The following SAMMSON variants were observed in gnomAD, a reference collection of about 807,000 sequenced individuals.
SAMMSON encodes the protein survival associated mitochondrial melanoma specific oncogenic non-coding RNA.
chr3:70,403,045 G>A (rs375271740), intron 2 of SAMMSON, among the ~76,000 whole-genome samples: 2 of 152,124 alleles, frequency 1.3e-5, no homozygotes, highest in South Asian at 4.1e-4. Context: ...AGTCACAGAT[G>A]CCCATTTAAT....
At chr3:70,224,723 T>A (rs576210460) in intron 4 of SAMMSON, among the ~76,000 whole-genome samples, 3 of 152,118 alleles carry the variant, frequency 2.0e-5, no homozygotes, top group Admixed American at 1.3e-4. Flanking sequence ...CTTGGTTTTT[T>A]TTTTAATTCA....
chr3:70,309,690 A>G (rs1213557674), intron 7 of SAMMSON, among the ~76,000 whole-genome samples: 1 of 152,202 alleles, frequency 6.6e-6, no homozygotes, highest in Non-Finnish European at 1.5e-5. Context: ...TTGAAAAAAA[A>G]GACATTTATG....
downstream of SAMMSON, among the ~76,000 whole-genome samples, chr3:70,393,975 T>A (rs576186497): frequency 6.6e-6 from 1 of 152,246 alleles, no homozygotes; most frequent in South Asian, 2.1e-4. Flanking sequence ...GAGGGAGGCA[T>A]GCGCACAAGT....
At chr3:70,129,274 G>C (rs981133161) in intron 4 of SAMMSON, among the ~76,000 whole-genome samples, 4 of 152,090 alleles carry the variant, frequency 2.6e-5, no homozygotes, top group Non-Finnish European at 5.9e-5. Flanking sequence ...TACTTACTGT[G>C]TTCCAGGTTT....
intron 7 of SAMMSON, among the ~76,000 whole-genome samples, chr3:70,316,561 T>G (rs1490731113): frequency 6.6e-6 from 1 of 152,146 alleles, no homozygotes; most frequent in Non-Finnish European, 1.5e-5. Flanking sequence ...ATAGCCATTC[T>G]AATGACCAAT....
intron 7 of SAMMSON, among the ~76,000 whole-genome samples, chr3:70,326,253 G>C (rs531284413): frequency 3.3e-5 from 5 of 151,930 alleles, no homozygotes; most frequent in African/African-American, 1.2e-4. Context: ...CTTAATATAG[G>C]CTGCAAATGA....
chr3:70,306,582 A>AT (rs927553365), intron 7 of SAMMSON, among the ~76,000 whole-genome samples: 9 of 151,406 alleles, frequency 5.9e-5, no homozygotes, highest in Middle Eastern at 3.4e-3. Flanking sequence ...CCCACCCCCT[A>AT]TTTTTTTTAT....
intron 3 of SAMMSON, among the ~76,000 whole-genome samples, chr3:70,045,467 A>C (rs2067123111): frequency 6.6e-6 from 1 of 151,720 alleles, no homozygotes; most frequent in African/African-American, 2.4e-5. Context: ...TCAGTAGCAC[A>C]CACCTGCTCA....
At chr3:70,325,355 G>C (rs931122974) in intron 7 of SAMMSON, among the ~76,000 whole-genome samples, 1 of 152,078 alleles carries the variant, frequency 6.6e-6, no homozygotes, top group Non-Finnish European at 1.5e-5. Context: ...TTCTGTTCCA[G>C]TCACCTCACC....
intron 2 of SAMMSON, among the ~76,000 whole-genome samples, chr3:70,400,886 C>T (rs1701134813): frequency 6.6e-6 from 1 of 151,048 alleles, no homozygotes; most frequent in Non-Finnish European, 1.5e-5. Context: ...GAGCCGAGAT[C>T]ACACCACTGC....
At chr3:70,387,499 G>C (rs1395297345) in intron 9 of SAMMSON, among the ~76,000 whole-genome samples, 1 of 151,968 alleles carries the variant, frequency 6.6e-6, no homozygotes, top group African/African-American at 2.4e-5. Context: ...TTTTCACTCA[G>C]ACAATTTGGC....
intron 7 of SAMMSON, among the ~76,000 whole-genome samples, chr3:70,297,185 G>T (rs1057282975): frequency 1.3e-5 from 2 of 152,096 alleles, no homozygotes; most frequent in Non-Finnish European, 2.9e-5. Context: ...ACTATTGGAT[G>T]ATTTAAATAA....
chr3:70,409,516 C>G (rs1188684919), intron 2 of SAMMSON, among the ~76,000 whole-genome samples: 1 of 151,482 alleles, frequency 6.6e-6, no homozygotes, highest in Non-Finnish European at 1.5e-5. Context: ...AAGTGTTGAT[C>G]ATGGAATGTG....
chr3:70,173,870 A>AT (rs1700983945), intron 4 of SAMMSON, among the ~76,000 whole-genome samples: 2 of 151,874 alleles, frequency 1.3e-5, no homozygotes, highest in South Asian at 4.1e-4. Flanking sequence ...AACTTAATGC[A>AT]TTTAAGTTGC....
chr3:70,034,696 T>C (rs1212341569), intron 3 of SAMMSON, among the ~76,000 whole-genome samples: 1 of 152,030 alleles, frequency 6.6e-6, no homozygotes, highest in Non-Finnish European at 1.5e-5. Flanking sequence ...ATACAAAAAT[T>C]AGCTGGGCAT....
intron 4 of SAMMSON, among the ~76,000 whole-genome samples, chr3:70,245,631 T>A (rs891963186): frequency 1.0e-4 from 14 of 134,616 alleles, no homozygotes; most frequent in South Asian, 2.3e-4. Context: ...TACAAAGAAA[T>A]CAGAATATGG....
At chr3:70,083,290 A>T (rs990085920) in intron 4 of SAMMSON, among the ~76,000 whole-genome samples, 2 of 152,088 alleles carry the variant, frequency 1.3e-5, no homozygotes, top group African/African-American at 4.8e-5. Flanking sequence ...CTTATGGGGG[A>T]TATCATTACT....
At chr3:70,026,437 C>T (rs1019558613) in intron 3 of SAMMSON, among the ~76,000 whole-genome samples, 11 of 152,050 alleles carry the variant, frequency 7.2e-5, no homozygotes, top group Non-Finnish European at 1.2e-4. Flanking sequence ...ATGTTTCTTT[C>T]CCACTGAAAT....
intron 6 of SAMMSON, among the ~76,000 whole-genome samples, chr3:70,268,876 A>T (rs1436729065): frequency 2.6e-5 from 4 of 152,156 alleles, no homozygotes; most frequent in South Asian, 4.1e-4. Flanking sequence ...GTTTATGAGG[A>T]TTATTTTTTC....
Sources: allele counts gnomAD v4.1 joint callset (sites outside exome capture counted in the v4.1 genomes callset), GRCh38; gene constraint gnomAD v4.1.1; transcripts MANE v1.5; gene names NCBI Gene and HGNC (gene_info 2026-07-23, HGNC 2026-07-21).